The following EBF3 variants were observed in gnomAD, a reference collection of about 807,000 sequenced individuals.
EBF3 encodes transcription factor COE3.
In EBF3, 18 loss-of-function variants were observed where a neutral mutation model predicts 77.1. The ratio of observed to expected loss-of-function variants is 0.23; its 90% confidence interval spans 0.16 to 0.35. The LOEUF is 0.35. EBF3 is among the 10% of genes least tolerant of loss of function. The probability of loss-of-function intolerance (pLI) is 1.00; values close to 1 mark genes in which losing one functional copy is unlikely to be tolerated. For missense variants in EBF3, 558 were observed against 860.0 expected (o/e 0.65, Z 4.39); for synonymous variants, 350 against 343.5 (o/e 1.02, Z -0.21).
Position 129,848,500 on chromosome 10 carries a change from T to C in EBF3, c.1040-20A>G. 6.2e-7 allele frequency: 1 copy of C among 1,612,582 alleles called. No individual in the cohort carries two copies. On this transcript the variant is annotated intron_variant, in intron 10 of 16. Coordinates refer to ENST00000440978, the MANE Select transcript of EBF3 (RefSeq NM_001375380.1). The surrounding 1 kb of genome is among the most constrained non-coding windows in gnomAD (Gnocchi z 4.4). Reference sequence around the variant, plus strand: ...TAAGGGCTGCAACAGGACACAGAAATGTAGATCAGGTTAATTACTTTTATG... The same window carrying C: ...TAAGGGCTGCAACAGGACACAGAAACGTAGATCAGGTTAATTACTTTTATG...
chr10:129,902,977 G>A (rs986611217), intron 6 of EBF3, among the ~76,000 whole-genome samples: 1 of 152,234 alleles, frequency 6.6e-6, no homozygotes, highest in Admixed American at 6.5e-5. Flanking sequence ...AGATTCACAA[G>A]TGATTCTCCA....
chr10:129,874,805 C>A (rs1480894939), intron 7 of EBF3, among the ~76,000 whole-genome samples: 1 of 152,126 alleles, frequency 6.6e-6, no homozygotes, highest in East Asian at 1.9e-4. Context: ...ACAAAGCACG[C>A]CATGCAAAAT....
intron 10 of EBF3, among the ~76,000 whole-genome samples, chr10:129,856,040 G>A (rs951639190): frequency 7.9e-5 from 12 of 152,206 alleles, no homozygotes; most frequent in Non-Finnish European, 1.6e-4. Context: ...CCACACTCCC[G>A]TGGGGACGTT....
chr10:129,938,378 TAAA>T lies in EBF3; in HGVS notation c.554+18877_554+18879del, dbSNP rs71007573. On this transcript the variant is annotated intron_variant, in intron 6 of 16. Coordinates refer to ENST00000440978, the MANE Select transcript of EBF3 (RefSeq NM_001375380.1). This position sits in a 1 kb window ranked among gnomAD's most constrained non-coding sequence, Gnocchi z 5.1. ...AACATGGCAAAACCCCATCTCTATT[TAAA>T]AAAAAAAAAAAAAAAGACAAAAATT... Among the ~76,000 whole-genome samples, 38 of 136,880 alleles carry T rather than the reference TAAA, an allele frequency of 2.8e-4. No individual in the cohort carries two copies. Among genetic ancestry groups the T allele is most frequent in the Non-Finnish European group, 3.1e-4 (20 of 64,206 alleles). The allele number at this position is 136,880 out of a possible 152,430, so 89.8% of individuals were successfully genotyped here. A position where few individuals can be genotyped will look rare whatever the true frequency, so the allele number is the denominator to read the frequency against.
intron 10 of EBF3, among the ~76,000 whole-genome samples, chr10:129,856,758 T>C (rs529406719): frequency 2.0e-5 from 3 of 152,274 alleles, no homozygotes; most frequent in Non-Finnish European, 4.4e-5. Flanking sequence ...TGAATTAGAC[T>C]GATGGTTGCA....
intron 11 of EBF3, among the ~76,000 whole-genome samples, chr10:129,847,180 G>A (rs1299180553): frequency 6.6e-6 from 1 of 152,068 alleles, no homozygotes; most frequent in Non-Finnish European, 1.5e-5. Context: ...CTGCTGGGGT[G>A]TCTTCCCTGA....
intron 6 of EBF3, among the ~76,000 whole-genome samples, chr10:129,901,121 TCAGA>T (rs1309644525): frequency 6.6e-6 from 1 of 152,168 alleles, no homozygotes; most frequent in Non-Finnish European, 1.5e-5. Context: ...TCCTTCCAGG[TCAGA>T]CAGTCAAGTA....
chr10:129,927,536 C>A (rs1345230072), intron 6 of EBF3, among the ~76,000 whole-genome samples: 1 of 152,182 alleles, frequency 6.6e-6, no homozygotes, highest in African/African-American at 2.4e-5. Context: ...CTGCAGGTGG[C>A]TGCTTAGCCT....
At chr10:129,921,863 C>T (rs1265003421) in intron 6 of EBF3, among the ~76,000 whole-genome samples, 1 of 152,220 alleles carries the variant, frequency 6.6e-6, no homozygotes, top group African/African-American at 2.4e-5. Flanking sequence ...GAGCCCCACA[C>T]CTGCCGTCCC....
At chr10:129,900,873 A>C (rs1053054695) in intron 6 of EBF3, among the ~76,000 whole-genome samples, 1 of 152,190 alleles carries the variant, frequency 6.6e-6, no homozygotes, top group South Asian at 2.1e-4. Flanking sequence ...GAGTTCATGA[A>C]GGTCCCAGTG....
At position 129,841,619 on chromosome 10, in the gene EBF3, C is replaced by A. The variant is rs573696107; in HGVS notation, c.1372+497G>T. 2.0e-5 allele frequency among the ~76,000 whole-genome samples: 3 copies of A among 152,242 alleles called. No individual in the cohort carries two copies. The East Asian group carries it at 5.8e-4, about 30-fold the overall frequency. On this transcript the variant is annotated intron_variant, in intron 13 of 16. Coordinates refer to ENST00000440978, the MANE Select transcript of EBF3 (RefSeq NM_001375380.1). This position sits in a 1 kb window ranked among gnomAD's most constrained non-coding sequence, Gnocchi z 4.6. ...TTTCAATGAAGAAAACTAAAATGGA[C>A]CCAAATGGCAAGATGCAGCGGCCTT...
chr10:129,837,630 T>A lies in EBF3; in HGVS notation c.*313A>T. ...ATTACTAGACATGGCCAAGACGGAG[T>A]CGGAAACTTTATACAAAATAGGCGT... On this transcript the variant is annotated 3_prime_UTR_variant, in exon 17 of 17. Coordinates refer to ENST00000440978, the MANE Select transcript of EBF3 (RefSeq NM_001375380.1). 2.8e-6 allele frequency: 1 copy of A among 356,730 alleles called. No homozygotes were observed. The highest frequency in any genetic ancestry group is 5.1e-6 in the Non-Finnish European group (1 of 196,246). The allele number at this position is 356,730 out of a possible 1,614,324, so 22.1% of individuals were successfully genotyped here. A position where few individuals can be genotyped will look rare whatever the true frequency, so the allele number is the denominator to read the frequency against.
chr10:129,867,299 G>A (rs1361542988), intron 9 of EBF3, 32 bp from the exon 10 acceptor site: 2 of 1,612,520 alleles, frequency 1.2e-6, no homozygotes, highest in East Asian at 4.5e-5. Context: ...CAGGCGCTCA[G>A]CGGCGCTGGC....
At chr10:129,838,191 CAAAGGCTTCTTT>C (rs200025003) in intron 16 of EBF3, among the ~76,000 whole-genome samples, 2,290 of 152,382 alleles carry the variant, frequency 0.015, 41 homozygotes, top group African/African-American at 0.052. Context: ...CAGCCCTCCT[CAAAGGCTTCTTT>C]AAAGGCTTCT....
intron 5 of EBF3, among the ~76,000 whole-genome samples, chr10:129,958,563 A>T (rs908427281): frequency 1.3e-5 from 2 of 152,208 alleles, no homozygotes; most frequent in Non-Finnish European, 2.9e-5. Context: ...TATCAATAAC[A>T]GACAATTGTA....
rs529072632 is a variant in EBF3 at position 129,903,162 on chromosome 10, A to G, written c.555-25313T>C. On this transcript the variant is annotated intron_variant, in intron 6 of 16. Transcript: ENST00000440978. ...CCTCCAACTGAAGTTCCATTCCACT[A>G]GTATTAGATGGAACCAGGTGAAGCT... Among the ~76,000 whole-genome samples the G allele has an allele frequency of 1.1e-3, 175 of 152,372 alleles. 1 individual carries two copies. The highest frequency in any genetic ancestry group is 4.1e-3 in the African/African-American group (171 of 41,600).
chr10:129,899,841 T>G (rs1236663985), intron 6 of EBF3, among the ~76,000 whole-genome samples: 1 of 152,212 alleles, frequency 6.6e-6, no homozygotes, highest in Non-Finnish European at 1.5e-5. Context: ...TGTTTTAGTC[T>G]GAGCTGTCAT....
Position 129,880,716 on chromosome 10 carries a change from A to G in EBF3, c.555-2867T>C, listed in dbSNP as rs534185021. ...GTAAGCTCAACAGTCAAGTGGCTCCATGCCAGGTTCTTGGGGCATCTACAG... is the reference window on the plus strand; with the variant it reads ...GTAAGCTCAACAGTCAAGTGGCTCCGTGCCAGGTTCTTGGGGCATCTACAG... On this transcript the variant is annotated intron_variant, in intron 6 of 16. Coordinates refer to ENST00000440978, the MANE Select transcript of EBF3 (RefSeq NM_001375380.1). Among the ~76,000 whole-genome samples the G allele has an allele frequency of 7.8e-4, 119 of 152,380 alleles. 1 individual carries two copies. Among genetic ancestry groups the G allele is most frequent in the African/African-American group, 2.7e-3 (113 of 41,598 alleles).
chr10:129,872,418 A>G (rs139966709), intron 8 of EBF3, among the ~76,000 whole-genome samples: 83 of 152,342 alleles, frequency 5.4e-4, no homozygotes, highest in African/African-American at 2.0e-3. Flanking sequence ...TGTGGACCAC[A>G]GCAGATTCAT....
Sources: gnomAD v4.1 joint callset for allele counts (sites outside exome capture counted in the v4.1 genomes callset) on GRCh38, gnomAD v4.1.1 for gene constraint, Gnocchi (gnomAD v3.1) non-coding constraint, MANE v1.5 for transcripts, NCBI Gene and HGNC (gene_info 2026-07-23, HGNC 2026-07-21) for gene names.